The following LHFPL4 variants were observed in gnomAD, a reference collection of about 807,000 sequenced individuals.
LHFPL4 encodes the protein LHFPL tetraspan subfamily member 4.
A neutral mutation model predicts 20.0 loss-of-function variants in LHFPL4; 6 were observed. The observed-to-expected ratio is 0.30, with a 90% CI of 0.16 to 0.59. LHFPL4 has a LOEUF of 0.59. LHFPL4 is among the 20% of genes least tolerant of loss of function. LHFPL4 has a pLI of 0.88. For synonymous variants in LHFPL4, 129 were observed against 143.8 expected (o/e 0.90, Z 0.74); for missense variants, 215 against 331.2 (o/e 0.65, Z 2.72).
At chr3:9,531,035 G>A (rs1418029115) in intron 2 of LHFPL4, among the ~76,000 whole-genome samples, 1 of 152,174 alleles carries the variant, frequency 6.6e-6, no homozygotes, top group African/African-American at 2.4e-5. Context: ...AGCCAAAGGA[G>A]GGAGAGAGAC....
intron 2 of LHFPL4, among the ~76,000 whole-genome samples, chr3:9,547,040 G>A (rs1226733657): frequency 6.6e-6 from 1 of 152,174 alleles, no homozygotes; most frequent in Non-Finnish European, 1.5e-5. Flanking sequence ...CCAGGCTAGA[G>A]TGCAGCGGCA....
In LHFPL4 at chr3:9,499,007, G is replaced by A. The variant is rs2046151388; in HGVS notation, c.*3204C>T. 1.3e-5 allele frequency: 2 copies of A among 152,296 alleles called. No individual in the cohort carries two copies. Among genetic ancestry groups the A allele is most frequent in the African/African-American group, 2.4e-5 (1 of 41,412 alleles). 9.4% of individuals were successfully genotyped at this position (152,296 alleles called of 1,614,324 possible). On this transcript the variant is annotated 3_prime_UTR_variant, in exon 4 of 4. Transcript: ENST00000287585. Reference sequence around the variant, plus strand: ...ACCACCCCTAGGCTGTGGCTGCCGTGGCCTCTCCTGAGTCCCCAGATCAGG... The same window carrying A: ...ACCACCCCTAGGCTGTGGCTGCCGTAGCCTCTCCTGAGTCCCCAGATCAGG...
At chr3:9,523,960 G>C (rs919590266) in intron 2 of LHFPL4, among the ~76,000 whole-genome samples, 1 of 150,398 alleles carries the variant, frequency 6.6e-6, no homozygotes, top group African/African-American at 2.5e-5. Flanking sequence ...ATTTCAGAGA[G>C]TACACAATTC....
At chr3:9,519,132 CT>C (rs139261269) in intron 2 of LHFPL4, among the ~76,000 whole-genome samples, 6,235 of 151,872 alleles carry the variant, frequency 0.041, 177 homozygotes, top group Non-Finnish European at 0.062. Context: ...AGAGATGGGG[CT>C]TCTCCATGTT....
At chr3:9,532,980 G>A (rs865869800) in intron 2 of LHFPL4, among the ~76,000 whole-genome samples, 4 of 152,166 alleles carry the variant, frequency 2.6e-5, no homozygotes, top group African/African-American at 4.8e-5. Context: ...AGGACAGTGC[G>A]GGGCTGCAGA....
chr3:9,552,720 G>C lies in LHFPL4; in HGVS notation c.-41C>G. ...GGCCGGCGGCGGCGGCGGCTGGCGG[G>C]GGCCGCCGGCCCGGGACGGAGCGCC... On this transcript the variant is annotated 5_prime_UTR_variant, in exon 2 of 4. Transcript: ENST00000287585. The C allele has an allele frequency of 2.5e-6, 3 of 1,202,458 alleles. No homozygotes were observed. The highest frequency in any genetic ancestry group is 3.1e-6 in the Non-Finnish European group (3 of 960,322). The allele number at this position is 1,202,458 out of a possible 1,614,324, so 74.5% of individuals were successfully genotyped here.
chr3:9,508,545 G>A (rs555374968), intron 2 of LHFPL4, among the ~76,000 whole-genome samples: 1 of 152,324 alleles, frequency 6.6e-6, no homozygotes, highest in South Asian at 2.1e-4. Flanking sequence ...CAAATCTGGG[G>A]ACTCTGGGCA....
At chr3:9,543,493 C>G (rs2046491083) in intron 2 of LHFPL4, among the ~76,000 whole-genome samples, 1 of 149,968 alleles carries the variant, frequency 6.7e-6, no homozygotes, top group Non-Finnish European at 1.5e-5. Context: ...GAATGAGATT[C>G]TGTCTCAAAA....
At chr3:9,511,252 G>A (rs2046258613) in intron 2 of LHFPL4, among the ~76,000 whole-genome samples, 1 of 151,928 alleles carries the variant, frequency 6.6e-6, no homozygotes, top group Non-Finnish European at 1.5e-5. Context: ...TCGGGAGGCT[G>A]AGGCAGGAGA....
At chr3:9,535,260 T>C (rs1007768984) in intron 2 of LHFPL4, among the ~76,000 whole-genome samples, 1 of 152,248 alleles carries the variant, frequency 6.6e-6, no homozygotes, top group Non-Finnish European at 1.5e-5. Context: ...CCAGGCACTA[T>C]AATAAGTACT....
At chr3:9,547,046 C>T (rs895075289) in intron 2 of LHFPL4, among the ~76,000 whole-genome samples, 9 of 152,122 alleles carry the variant, frequency 5.9e-5, no homozygotes, top group African/African-American at 2.2e-4. Flanking sequence ...TAGAGTGCAG[C>T]GGCATGATCA....
rs551661171 is a variant in LHFPL4, at chr3:9,521,368, G to C, written c.407-15165C>G. On this transcript the variant is annotated intron_variant, in intron 2 of 3. Transcript: ENST00000287585. ...GCCTCCTGAGTAGCTGGAACTACTG[G>C]TGTGCACCACCATGCTTGGCTAATT... 3.3e-3 allele frequency among the ~76,000 whole-genome samples: 495 copies of C among 150,810 alleles called. 2 individuals are homozygous for C. Among genetic ancestry groups the C allele is most frequent in the Non-Finnish European group, 5.5e-3 (373 of 67,800 alleles).
At position 9,540,639 on chromosome 3, in the gene LHFPL4, A is replaced by G. The variant is rs577091140; in HGVS notation, c.406+11635T>C. On this transcript the variant is annotated intron_variant, in intron 2 of 3. Transcript: ENST00000287585. The stretch of plus-strand genomic sequence containing the variant: ...TTGGTCATAGTGGCTCATGCCTGTC[A>G]TCCCAGCAATTTGAGAGGCTAAGAG... Among the ~76,000 whole-genome samples, 3 of 152,284 alleles carry G rather than the reference A, an allele frequency of 2.0e-5. No individual in the cohort carries two copies. The East Asian group carries it at 5.8e-4, about 29-fold the overall frequency.
intron 2 of LHFPL4, among the ~76,000 whole-genome samples, chr3:9,539,264 G>T (rs369085952): frequency 6.6e-6 from 1 of 151,790 alleles, no homozygotes; most frequent in Non-Finnish European, 1.5e-5. Context: ...GACCAGCCTG[G>T]TCAACATGGC....
intron 2 of LHFPL4, among the ~76,000 whole-genome samples, chr3:9,544,961 T>G (rs2046502269): frequency 6.6e-6 from 1 of 152,186 alleles, no homozygotes; most frequent in South Asian, 2.1e-4. Context: ...CATATTGTGA[T>G]GATCTGTTTT....
chr3:9,539,925 G>GA (rs1414652973), intron 2 of LHFPL4, among the ~76,000 whole-genome samples: 2 of 152,018 alleles, frequency 1.3e-5, no homozygotes, highest in Non-Finnish European at 1.5e-5. Flanking sequence ...TATCAGGGTG[G>GA]AAAAAAATGA....
intron 2 of LHFPL4, among the ~76,000 whole-genome samples, chr3:9,520,413 G>C (rs368977241): frequency 6.6e-6 from 1 of 152,050 alleles, no homozygotes; most frequent in African/African-American, 2.4e-5. Context: ...GAGTGCAGTG[G>C]TGCAATCTCG....
intron 2 of LHFPL4, among the ~76,000 whole-genome samples, chr3:9,521,504 C>G (rs921225730): frequency 6.6e-5 from 10 of 151,892 alleles, no homozygotes; most frequent in African/African-American, 1.7e-4. Context: ...AGCTTCACGC[C>G]ATTCTCCTGC....
At chr3:9,510,774 C>T (rs888116722) in intron 2 of LHFPL4, among the ~76,000 whole-genome samples, 8 of 151,766 alleles carry the variant, frequency 5.3e-5, no homozygotes, top group African/African-American at 1.7e-4. Context: ...CCCATCTCTA[C>T]TAAAAATACA....
Sources: allele counts gnomAD v4.1 joint callset (sites outside exome capture counted in the v4.1 genomes callset), GRCh38; gene constraint gnomAD v4.1.1; transcripts MANE v1.5; gene names NCBI Gene and HGNC (gene_info 2026-07-23, HGNC 2026-07-21).